The following PPCS variants were observed in gnomAD, a reference collection of about 807,000 sequenced individuals.
PPCS encodes phosphopantothenoylcysteine synthetase, also known as phosphopantothenate--cysteine ligase.
Under a neutral mutation model 24.6 loss-of-function variants are expected in PPCS, and 17 were observed. The observed-to-expected ratio is 0.69, with a 90% CI of 0.47 to 1.04. The LOEUF (loss-of-function observed/expected upper bound fraction) is 1.04, where lower values mean the gene tolerates loss of function less well. Among genes scored for constraint, PPCS ranks in the 50% least tolerant of loss-of-function variants. The pLI is 0.00. For missense variants in PPCS, 360 were observed against 402.8 expected (o/e 0.89, Z 0.91); for synonymous variants, 190 against 168.3 (o/e 1.13, Z -1.00).
Position 42,460,041 on chromosome 1 carries a change from AGTG to A in PPCS, c.*119_*121del. 6 of 1,434,440 alleles carry A rather than the reference AGTG, an allele frequency of 4.2e-6. No individual in the cohort carries two copies. The highest frequency in any genetic ancestry group is 5.5e-6 in the Non-Finnish European group (6 of 1,099,418). 88.9% of individuals were successfully genotyped at this position (1,434,440 alleles called of 1,614,324 possible). ...ATAAAATGAAAGAAAGGGAAAAGGCAGTGGTGTGTAGGCAAATATGGTTTGGCA... is the reference window on the plus strand; with the variant it reads ...ATAAAATGAAAGAAAGGGAAAAGGCAGTGTGTAGGCAAATATGGTTTGGCA... On this transcript the variant is annotated 3_prime_UTR_variant, in exon 3 of 3. Coordinates refer to ENST00000372561, the MANE Select transcript of PPCS (RefSeq NM_024664.4).
chr1:42,459,892 C>T lies in PPCS; in HGVS notation c.902C>T (p.Ser301Phe). ...IEEKIVDNLQSRHTAFIGDRN is the reference protein window; with the variant it reads ...IEEKIVDNLQFRHTAFIGDRN ...GAGAAGATAGTGGATAATCTTCAGTCTCGACACACAGCTTTTATAGGTGAC... is the reference window on the plus strand; with the variant it reads ...GAGAAGATAGTGGATAATCTTCAGTTTCGACACACAGCTTTTATAGGTGAC... The change falls in exon 3 of 3, where the codon TCT (serine) becomes TTT (phenylalanine). Residue 301 changes from serine (S) to phenylalanine (F), a missense_variant. By Grantham distance (155) the Ser-to-Phe change is radical. Around this residue, in one of 2 missense-constraint regions of PPCS, gnomAD observed 116 missense variants for 168.1 expected, o/e 0.69. Transcript: ENST00000372561. 1 of 1,612,876 alleles carries T rather than the reference C, an allele frequency of 6.2e-7. No individual in the cohort carries two copies. The highest frequency in any genetic ancestry group is 1.1e-5 in the South Asian group (1 of 91,050).
downstream of PPCS, among the ~76,000 whole-genome samples, chr1:42,465,697 G>C (rs1643556356): frequency 6.6e-6 from 1 of 152,138 alleles, no homozygotes; most frequent in Non-Finnish European, 1.5e-5. Context: ...GGAGTGGGGT[G>C]GGGTTTTGCC....
In PPCS at chr1:42,457,244, C is replaced by T; in HGVS notation, c.509-3C>T. On this transcript the variant is annotated splice_polypyrimidine_tract_variant and splice_region_variant and intron_variant, in intron 1 of 2. Coordinates refer to ENST00000372561, the MANE Select transcript of PPCS (RefSeq NM_024664.4). ...TGTTAACACCTTGTGTTTCTCTTTGCAGGCCCTTCTGCGATGTTTTACCTG... is the reference window on the plus strand; with the variant it reads ...TGTTAACACCTTGTGTTTCTCTTTGTAGGCCCTTCTGCGATGTTTTACCTG... 6.2e-7 allele frequency: 1 copy of T among 1,614,070 alleles called. No homozygotes were observed. Among genetic ancestry groups the T allele is most frequent in the South Asian group, 1.1e-5 (1 of 91,082 alleles).
chr1:42,460,929 C>T lies in PPCS; in HGVS notation c.*1003C>T, dbSNP rs975594879. Among the ~76,000 whole-genome samples, 1 of 152,176 alleles carries T rather than the reference C, an allele frequency of 6.6e-6. No homozygotes were observed. The highest frequency in any genetic ancestry group is 2.4e-5 in the African/African-American group (1 of 41,440). ...TAGCAAAGCAGTGTTACACCACTGCCCTGCTTAATCTTTGAATCCTTGAGA... is the reference window on the plus strand; with the variant it reads ...TAGCAAAGCAGTGTTACACCACTGCTCTGCTTAATCTTTGAATCCTTGAGA... On this transcript the variant is annotated 3_prime_UTR_variant, in exon 3 of 3. Coordinates refer to ENST00000372561, the MANE Select transcript of PPCS (RefSeq NM_024664.4).
At chr1:42,466,803 C>T (rs751270961) in intron 2 of PPCS, among the ~76,000 whole-genome samples, 15 of 152,144 alleles carry the variant, frequency 9.9e-5, no homozygotes, top group South Asian at 8.3e-4. Context: ...CCATCTGCCT[C>T]GGCCTCCCAA....
At chr1:42,466,045 T>C (rs992112170), downstream of PPCS, among the ~76,000 whole-genome samples, 9 of 152,374 alleles carry the variant, frequency 5.9e-5, no homozygotes, top group Admixed American at 1.3e-4. Flanking sequence ...TAATTTTATT[T>C]GGGAATTGAA....
chr1:42,473,360 C>T lies in PPCS; in HGVS notation n.616C>T, dbSNP rs1245975430. On this transcript the variant is annotated non_coding_transcript_exon_variant, in exon 3 of 3. Coordinates refer to the PPCS transcript ENST00000471420. ...ACCTGTGATTTTGTTCATTGCCCTT[C>T]ATTAAATTGACATATTAAAAACTAA... The T allele has an allele frequency of 1.2e-5, 12 of 977,962 alleles. No homozygotes were observed. In the Admixed American group the frequency reaches 5.1e-4, roughly 42 times the overall value. The allele number at this position is 977,962 out of a possible 1,614,324, so 60.6% of individuals were successfully genotyped here.
downstream of PPCS, among the ~76,000 whole-genome samples, chr1:42,461,440 C>T (rs1350579857): frequency 6.6e-6 from 1 of 152,120 alleles, no homozygotes; most frequent in Non-Finnish European, 1.5e-5. Flanking sequence ...GACTCAAGCA[C>T]TCCTACTGCC....
chr1:42,463,048 G>A (rs574122248), downstream of PPCS, among the ~76,000 whole-genome samples: 5 of 152,348 alleles, frequency 3.3e-5, no homozygotes, highest in South Asian at 1.0e-3. Context: ...AAGACAAAAT[G>A]TATTCGCTAA....
chr1:42,457,239 CT>C lies in PPCS; in HGVS notation c.509-5del, dbSNP rs1277238906. On this transcript the variant is annotated splice_polypyrimidine_tract_variant and splice_region_variant and intron_variant, in intron 1 of 2. Transcript: ENST00000372561. ...CGATTTGTTAACACCTTGTGTTTCTCTTTGCAGGCCCTTCTGCGATGTTTTA... is the reference window on the plus strand; with the variant it reads ...CGATTTGTTAACACCTTGTGTTTCTCTTGCAGGCCCTTCTGCGATGTTTTA... The C allele has an allele frequency of 6.2e-7, 1 of 1,614,034 alleles. No individual in the cohort carries two copies. The highest frequency in any genetic ancestry group is 1.7e-5 in the Admixed American group (1 of 60,016).
In PPCS at chr1:42,456,984, C is replaced by T; in HGVS notation, c.419C>T (p.Ala140Val). 7.5e-6 allele frequency: 12 copies of T among 1,602,876 alleles called. No individual in the cohort carries two copies. Among genetic ancestry groups the T allele is most frequent in the Non-Finnish European group, 1.0e-5 (12 of 1,179,978 alleles). The stretch of plus-strand genomic sequence containing the variant: ...CTGAGGAGCTACCAGGAGGCTGCGG[C>T]TGCAGGCACCTTCCTGGCAGTAGAG... ...EALRSYQEAA[A>V]AGTFLAVEFT... The change falls in exon 1 of 3, where the codon GCT becomes GTT. Residue 140 changes from alanine to valine, a missense_variant. Ala to Val is a moderately conservative substitution (Grantham distance 64). Transcript: ENST00000372561.
intron 2 of PPCS, among the ~76,000 whole-genome samples, chr1:42,467,046 C>T (rs1024963883): frequency 1.3e-5 from 2 of 152,060 alleles, no homozygotes; most frequent in Non-Finnish European, 2.9e-5. Flanking sequence ...GTAGAGTGAC[C>T]TGAATGTCAA....
chr1:42,466,112 G>A (rs1643573187), downstream of PPCS, among the ~76,000 whole-genome samples: 1 of 152,152 alleles, frequency 6.6e-6, no homozygotes. Context: ...AATTATATTT[G>A]TGTGAAAGGA....
chr1:42,459,782 G>A lies in PPCS; in HGVS notation c.792G>A (p.Gln264=). 1.2e-6 allele frequency: 2 copies of A among 1,614,192 alleles called. No homozygotes were observed. The highest frequency in any genetic ancestry group is 1.7e-6 in the Non-Finnish European group (2 of 1,180,026). The change falls in exon 3 of 3, where the codon CAG becomes CAA. Residue 264 remains glutamine, a synonymous_variant. Coordinates refer to ENST00000372561, the MANE Select transcript of PPCS (RefSeq NM_024664.4). ...VVVANILESR[Q]SFVFIVTKDS... ...TGGCTAATATCCTTGAGTCACGACA[G>A]TCCTTTGTGTTTATTGTAACCAAAG...
At chr1:42,468,231 C>G (rs1416366998) in intron 2 of PPCS, among the ~76,000 whole-genome samples, 1 of 152,142 alleles carries the variant, frequency 6.6e-6, no homozygotes, top group African/African-American at 2.4e-5. Context: ...AAAAATAAAA[C>G]AATCTATAAC....
At chr1:42,458,210 A>T (rs565578287) in intron 2 of PPCS, among the ~76,000 whole-genome samples, 3 of 152,194 alleles carry the variant, frequency 2.0e-5, no homozygotes, top group Non-Finnish European at 4.4e-5. Flanking sequence ...AATGAGATAA[A>T]GTTTTTGTTT....
At chr1:42,463,325 A>C (rs1051832233), downstream of PPCS, 3 of 152,252 alleles carry the variant, frequency 2.0e-5, no homozygotes, top group Admixed American at 2.0e-4. Context: ...TGCAGCTAGC[A>C]GCTGAGCGCG....
chr1:42,456,942 C>G lies in PPCS; in HGVS notation c.377C>G (p.Pro126Arg), dbSNP rs1023204773. ...CTGGAGGCCGAGGAGAATGCACTTC[C>G]GGGTTTTGCTGAGGCTCTGAGGAGC... Reference protein sequence around the residue: ...LSLEAEENALPGFAEALRSYQ... With the variant: ...LSLEAEENALRGFAEALRSYQ... Residue 126 changes from proline (P) to arginine (R), a missense_variant, in exon 1 of 3, where the codon CCG becomes CGG. Pro to Arg is a moderately radical substitution (Grantham distance 103, BLOSUM62 -2). Coordinates refer to ENST00000372561, the MANE Select transcript of PPCS (RefSeq NM_024664.4). 19 of 1,606,916 alleles carry G rather than the reference C, an allele frequency of 1.2e-5. No homozygotes were observed. Among genetic ancestry groups the G allele is most frequent in the Non-Finnish European group, 1.6e-5 (19 of 1,180,008 alleles).
At chr1:42,471,660 T>G (rs896058574) in intron 2 of PPCS, among the ~76,000 whole-genome samples, 4 of 152,080 alleles carry the variant, frequency 2.6e-5, no homozygotes, top group Admixed American at 6.6e-5. Context: ...GGGGAAGATA[T>G]GAGTGGGGAC....
Sources: gnomAD v4.1 joint callset for allele counts (sites outside exome capture counted in the v4.1 genomes callset) on GRCh38, gnomAD v4.1.1 for gene constraint, gnomAD v4.1.1 regional missense constraint, MANE v1.5 for transcripts, NCBI Gene and HGNC (gene_info 2026-07-23, HGNC 2026-07-21) for gene names.